Variants in LRRC49 observed in about 807,000 individuals in gnomAD.
LRRC49 encodes the protein leucine rich repeat containing 49, also known as leucine-rich repeat-containing protein 49.
LRRC49 carries 50 observed loss-of-function variants against 83.3 expected under a neutral mutation model. The observed-to-expected ratio is 0.60, with a 90% CI of 0.48 to 0.76. The LOEUF (loss-of-function observed/expected upper bound fraction) is 0.76. Among genes scored for constraint, LRRC49 ranks in the 30% least tolerant of loss-of-function variants. LRRC49 has a pLI of 0.00. For missense variants in LRRC49, 704 were observed against 809.1 expected (o/e 0.87, Z 1.58); for synonymous variants, 286 against 283.3 (o/e 1.01, Z -0.10).
intron 14 of LRRC49, among the ~76,000 whole-genome samples, chr15:71,023,839 C>A (rs1444984435): frequency 6.6e-6 from 1 of 152,166 alleles, no homozygotes; most frequent in African/African-American, 2.4e-5. Flanking sequence ...AGGCAGTCAC[C>A]ATCACTGAGG....
chr15:70,984,478 A>G (rs1168173307), intron 11 of LRRC49: 7 of 397,910 alleles, frequency 1.8e-5, no homozygotes, highest in African/African-American at 8.3e-5. Context: ...TATAGGGAAA[A>G]GTCTAGATTT....
At chr15:70,923,821 T>C (rs2035093487) in intron 7 of LRRC49, among the ~76,000 whole-genome samples, 1 of 152,042 alleles carries the variant, frequency 6.6e-6, no homozygotes, top group East Asian at 1.9e-4. Flanking sequence ...TCAGTTAATA[T>C]ATACTTTTTT....
intron 9 of LRRC49, among the ~76,000 whole-genome samples, chr15:70,976,144 G>C (rs189121539): frequency 6.6e-6 from 1 of 152,278 alleles, no homozygotes; most frequent in Admixed American, 6.5e-5. Flanking sequence ...TGAAAGTTTT[G>C]AAGTTGTTAC....
chr15:70,910,141 G>A lies in LRRC49; in HGVS notation c.501-1391G>A, dbSNP rs150156421. ...GGTCATAAGGCAGTGTGGTATGTGC[G>A]TGTGTGTGATAAGGGAGTGAAGAAG... On this transcript the variant is annotated intron_variant, in intron 5 of 15. Transcript: ENST00000260382. Among the ~76,000 whole-genome samples the A allele has an allele frequency of 8.0e-3, 1,214 of 152,096 alleles. 5 individuals carry two copies. The highest frequency in any genetic ancestry group is 0.013 in the Non-Finnish European group (895 of 67,984).
At chr15:71,026,142 C>T (rs2039163392) in intron 14 of LRRC49, among the ~76,000 whole-genome samples, 1 of 152,010 alleles carries the variant, frequency 6.6e-6, no homozygotes, top group Non-Finnish European at 1.5e-5. Context: ...TTTTCAACTC[C>T]CACCTATGAG....
upstream of LRRC49, among the ~76,000 whole-genome samples, chr15:70,889,752 A>G (rs563898560): frequency 9.2e-5 from 14 of 152,316 alleles, no homozygotes; most frequent in South Asian, 2.1e-4. Flanking sequence ...AACAGTGTCT[A>G]CAATAGCTCT....
chr15:71,040,277 T>C (rs1181420820), intron 15 of LRRC49, among the ~76,000 whole-genome samples: 1 of 152,152 alleles, frequency 6.6e-6, no homozygotes, highest in African/African-American at 2.4e-5. Flanking sequence ...CTGGAAACAT[T>C]AGCATTAGTA....
Position 70,916,705 on chromosome 15 carries a change from G to A in LRRC49, c.568-2345G>A, listed in dbSNP as rs2034790141. On this transcript the variant is annotated intron_variant, in intron 6 of 15. Transcript: ENST00000260382. ...GCTGTGGGCTCCATGGAGCCAGGTG[G>A]ACCTGGGGACAAGTGGGAGCCCTGC... Among the ~76,000 whole-genome samples, 5 of 152,148 alleles carry A rather than the reference G, an allele frequency of 3.3e-5. No homozygotes were observed. The South Asian group carries it at 1.0e-3, about 32-fold the overall frequency.
At chr15:70,930,987 G>T (rs1443314985) in intron 7 of LRRC49, among the ~76,000 whole-genome samples, 1 of 152,072 alleles carries the variant, frequency 6.6e-6, no homozygotes, top group Non-Finnish European at 1.5e-5. Context: ...TTTATTAATT[G>T]TGTGTTCCAC....
At chr15:71,044,729 T>A (rs956235672) in intron 15 of LRRC49, among the ~76,000 whole-genome samples, 1 of 151,936 alleles carries the variant, frequency 6.6e-6, no homozygotes, top group Non-Finnish European at 1.5e-5. Flanking sequence ...GAGGTTGCAG[T>A]GAGCGGAGAT....
At chr15:71,006,160 A>G (rs1365660719) in intron 11 of LRRC49, among the ~76,000 whole-genome samples, 1 of 152,198 alleles carries the variant, frequency 6.6e-6, no homozygotes, top group Non-Finnish European at 1.5e-5. Context: ...TTTTGTAACC[A>G]TGTCACTGTT....
At chr15:70,891,814 C>T, upstream of LRRC49, 1 of 1,514,254 alleles carries the variant, frequency 6.6e-7, no homozygotes, top group Non-Finnish European at 8.8e-7. Flanking sequence ...TCCAGGGGTC[C>T]TTACACAACC....
rs566278240 is a variant in LRRC49 at position 70,965,733 on chromosome 15, A to G, written c.921+1801A>G. On this transcript the variant is annotated intron_variant, in intron 9 of 15. Transcript: ENST00000260382. ...CTTTATTGAGGATGCTTACTTTAGG[A>G]TGATTTCTGCCAAGCTTTTCTTTGT... is the stretch of plus-strand genomic sequence containing the variant. 2.0e-5 allele frequency among the ~76,000 whole-genome samples: 3 copies of G among 152,204 alleles called. No individual in the cohort carries two copies. In the East Asian group the frequency reaches 5.8e-4, roughly 29 times the overall value.
At chr15:71,018,965 G>T (rs1275910451) in intron 14 of LRRC49, among the ~76,000 whole-genome samples, 1 of 152,070 alleles carries the variant, frequency 6.6e-6, no homozygotes, top group Non-Finnish European at 1.5e-5. Context: ...TATTACAAAG[G>T]ATACAGATGA....
At chr15:70,863,333 G>T (rs888651769) in intron 1 of LRRC49, among the ~76,000 whole-genome samples, 1 of 152,214 alleles carries the variant, frequency 6.6e-6, no homozygotes, top group African/African-American at 2.4e-5. Context: ...CTGACCGAAG[G>T]TATGGGATGG....
exon 2 of LRRC49, chr15:70,872,993 C>G (rs1053142880): frequency 2.0e-6 from 1 of 499,582 alleles, no homozygotes; most frequent in South Asian, 2.0e-5. Context: ...TCAAGCAATT[C>G]TCTGCCTCAG....
chr15:71,045,124 G>T lies in LRRC49; in HGVS notation c.1858-4285G>T, dbSNP rs375995919. Reference sequence around the variant, plus strand: ...TTAACCAGGATGGTCTCGATCTCCAGACCTCATGATCTGCCCACCTCAGCC... The same window carrying T: ...TTAACCAGGATGGTCTCGATCTCCATACCTCATGATCTGCCCACCTCAGCC... On this transcript the variant is annotated intron_variant, in intron 15 of 15. Transcript: ENST00000260382. 3.1e-4 allele frequency among the ~76,000 whole-genome samples: 47 copies of T among 152,106 alleles called. 1 individual carries two copies. Among genetic ancestry groups the T allele is most frequent in the African/African-American group, 1.1e-3 (45 of 41,490 alleles).
At chr15:71,039,403 A>C (rs963780862) in intron 15 of LRRC49, among the ~76,000 whole-genome samples, 2 of 152,140 alleles carry the variant, frequency 1.3e-5, no homozygotes, top group African/African-American at 4.8e-5. Flanking sequence ...TGAGTGAAAA[A>C]ATTAATATGT....
At chr15:70,882,123 G>A (rs1000419796) in intron 2 of LRRC49, 2 of 203,990 alleles carry the variant, frequency 9.8e-6, no homozygotes, top group Non-Finnish European at 2.0e-5. Flanking sequence ...CTGTAGGAGC[G>A]TTGCTTCTGA....
Sources: gnomAD v4.1 joint callset for allele counts (sites outside exome capture counted in the v4.1 genomes callset) on GRCh38, gnomAD v4.1.1 for gene constraint, MANE v1.5 for transcripts, NCBI Gene and HGNC (gene_info 2026-07-23, HGNC 2026-07-21) for gene names.